Variants in DNM3 observed in about 807,000 individuals in gnomAD.
DNM3 encodes dynamin-3.
In DNM3, 47 loss-of-function variants were observed where a neutral mutation model predicts 101.6. The observed-to-expected ratio is 0.46, with a 90% confidence interval of 0.37 to 0.59. The LOEUF (loss-of-function observed/expected upper bound fraction) is 0.59, where lower values mean the gene tolerates loss of function less well. Ranked by LOEUF, DNM3 falls within the 20% of genes least tolerant of loss-of-function variation. DNM3 has a pLI of 0.00. For synonymous variants in DNM3, 385 were observed against 387.9 expected, an observed-to-expected ratio of 0.99 and a Z score of 0.09; for missense variants, 849 against 1,085.7, an observed-to-expected ratio of 0.78 and a Z score of 3.06.
At chr1:171,900,950 A>AT (rs1254050151) in intron 1 of DNM3, among the ~76,000 whole-genome samples, 7 of 146,224 alleles carry the variant, frequency 4.8e-5, no homozygotes, top group African/African-American at 1.8e-4. Context: ...CTACTAAAAA[A>AT]AAAATAGAAA....
At chr1:171,984,124 A>G (rs2045050726) in intron 2 of DNM3, among the ~76,000 whole-genome samples, 1 of 152,020 alleles carries the variant, frequency 6.6e-6, no homozygotes, top group Non-Finnish European at 1.5e-5. Flanking sequence ...TTAACCACTC[A>G]TCACCACCCC....
intron 2 of DNM3, among the ~76,000 whole-genome samples, chr1:171,980,720 T>TTGTTATATCCAAA (rs1234109953): frequency 6.6e-6 from 1 of 151,988 alleles, no homozygotes; most frequent in Non-Finnish European, 1.5e-5. Flanking sequence ...ATTGGAAGCA[T>TTGTTATATCCAAA]TGTTATATCC....
At chr1:172,381,452 A>T (rs2068899238) in intron 18 of DNM3, among the ~76,000 whole-genome samples, 1 of 151,428 alleles carries the variant, frequency 6.6e-6, no homozygotes, top group South Asian at 2.1e-4. Context: ...GTATTATTTT[A>T]TGTGCTTTTT....
intron 2 of DNM3, among the ~76,000 whole-genome samples, chr1:171,950,973 T>G (rs2042486139): frequency 6.6e-6 from 1 of 152,100 alleles, no homozygotes; most frequent in Non-Finnish European, 1.5e-5. Context: ...TCCTCCTCCA[T>G]TTTTTGGATG....
intron 13 of DNM3, among the ~76,000 whole-genome samples, chr1:172,099,916 G>C (rs2054516934): frequency 6.6e-6 from 1 of 152,176 alleles, no homozygotes; most frequent in African/African-American, 2.4e-5. Context: ...AATATGTTAG[G>C]GGCCAGGAGG....
intron 1 of DNM3, among the ~76,000 whole-genome samples, chr1:171,895,562 C>T (rs1447142755): frequency 6.6e-6 from 1 of 152,138 alleles, no homozygotes; most frequent in Admixed American, 6.5e-5. Context: ...GGGTAGATTG[C>T]AAAATTTTTC....
intron 17 of DNM3, among the ~76,000 whole-genome samples, chr1:172,371,740 C>T (rs188144335): frequency 1.0e-3 from 159 of 152,048 alleles, no homozygotes; most frequent in African/African-American, 3.7e-3. Context: ...TCATCTAATT[C>T]CGTAGTTCAT....
chr1:171,953,108 A>G (rs1424759315), intron 2 of DNM3, among the ~76,000 whole-genome samples: 1 of 152,220 alleles, frequency 6.6e-6, no homozygotes, highest in Admixed American at 6.5e-5. Flanking sequence ...ATTGCCATAT[A>G]AGAGATGATC....
rs2035586666 is a variant in DNM3 at position 171,874,601 on chromosome 1, A to T, written c.161+32784A>T. The stretch of plus-strand genomic sequence containing the variant: ...ATTACATGGCAAATGCACATGTATG[A>T]TTAGTGAGCCTGGATTAGTAGCCTT... On this transcript the variant is annotated intron_variant, in intron 1 of 20. Transcript: ENST00000627582. Among the ~76,000 whole-genome samples, 4 of 152,306 alleles carry T rather than the reference A, an allele frequency of 2.6e-5. No homozygotes were observed. In the South Asian group the frequency reaches 8.3e-4, roughly 32 times the overall value.
intron 6 of DNM3, among the ~76,000 whole-genome samples, chr1:172,034,787 G>A (rs1239887983): frequency 6.6e-6 from 1 of 152,102 alleles, no homozygotes; most frequent in Non-Finnish European, 1.5e-5. Context: ...AAAATTGAAT[G>A]AAATTTTCAC....
intron 13 of DNM3, among the ~76,000 whole-genome samples, chr1:172,107,764 T>G (rs2055167952): frequency 6.6e-6 from 1 of 152,238 alleles, no homozygotes; most frequent in Admixed American, 6.5e-5. Context: ...ATACTGAAAT[T>G]AAATCCTCTG....
intron 14 of DNM3, among the ~76,000 whole-genome samples, chr1:172,175,964 T>A (rs1178085086): frequency 6.6e-6 from 1 of 151,730 alleles, no homozygotes; most frequent in East Asian, 1.9e-4. Flanking sequence ...TGTTTCAGGA[T>A]TGGTCTGTGT....
Position 172,408,168 on chromosome 1 carries a change from A to C in DNM3, c.*327A>C. 4.5e-6 allele frequency: 5 copies of C among 1,112,548 alleles called. No individual in the cohort carries two copies. In the South Asian group the frequency reaches 1.6e-4, roughly 37 times the overall value. 68.9% of individuals were successfully genotyped at this position (1,112,548 alleles called of 1,614,324 possible). On this transcript the variant is annotated 3_prime_UTR_variant, in exon 21 of 21. Coordinates refer to ENST00000627582, the MANE Select transcript of DNM3 (RefSeq NM_015569.5). Reference sequence around the variant, plus strand: ...GGACAAGTTTTCTAGGCTATCTACCAGGTAGCTCATTAAACGTAATTCTTC... The same window carrying C: ...GGACAAGTTTTCTAGGCTATCTACCCGGTAGCTCATTAAACGTAATTCTTC...
At chr1:172,073,213 G>T (rs138698580) in intron 11 of DNM3, among the ~76,000 whole-genome samples, 1,906 of 151,466 alleles carry the variant, frequency 0.013, 36 homozygotes, top group African/African-American at 0.044. Context: ...GTACATATAT[G>T]TATGTATGTA....
At chr1:171,990,018 A>G (rs1558383786) in intron 4 of DNM3, among the ~76,000 whole-genome samples, 1 of 152,040 alleles carries the variant, frequency 6.6e-6, no homozygotes, top group African/African-American at 2.4e-5. Flanking sequence ...TATCAACTTT[A>G]TCTTCTGCTC....
intron 20 of DNM3, among the ~76,000 whole-genome samples, chr1:172,403,869 A>G (rs756896754): frequency 1.3e-5 from 2 of 152,142 alleles, no homozygotes; most frequent in Non-Finnish European, 2.9e-5. Context: ...GCTTTCCCCA[A>G]AACAAACTGT....
At chr1:172,365,876 T>G (rs1478817184) in intron 17 of DNM3, among the ~76,000 whole-genome samples, 1 of 151,818 alleles carries the variant, frequency 6.6e-6, no homozygotes, top group East Asian at 1.9e-4. Flanking sequence ...GTCTTAAGAG[T>G]AATGGCTTTA....
intron 17 of DNM3, among the ~76,000 whole-genome samples, chr1:172,365,955 T>TAA (rs1258149356): frequency 6.6e-6 from 1 of 151,972 alleles, no homozygotes; most frequent in African/African-American, 2.4e-5. Flanking sequence ...TAGTGCCAGA[T>TAA]AAAGTGGCTA....
chr1:172,036,600 A>G, intron 6 of DNM3, among the ~76,000 whole-genome samples: 1 of 152,206 alleles, frequency 6.6e-6, no homozygotes, highest in East Asian at 1.9e-4. Context: ...ATAGGTAGAA[A>G]GCTGAAACTG....
Sources: allele counts gnomAD v4.1 joint callset (sites outside exome capture counted in the v4.1 genomes callset), GRCh38; gene constraint gnomAD v4.1.1; transcripts MANE v1.5; gene names NCBI Gene and HGNC (gene_info 2026-07-23, HGNC 2026-07-21).